RBM34: variants seen among roughly 807,000 people sequenced by gnomAD.
The protein encoded by RBM34 is RNA-binding protein 34.
RBM34 carries 39 observed loss-of-function variants against 44.6 expected under a neutral mutation model. That is an observed-to-expected ratio of 0.87 (90% CI 0.68 to 1.14). The LOEUF (loss-of-function observed/expected upper bound fraction) is 1.14. RBM34 is among the 50% of genes most tolerant of loss of function. RBM34 has a pLI of 0.00. For missense variants in RBM34, 572 were observed against 517.9 expected, an observed-to-expected ratio of 1.10 and a Z score of -1.01; for synonymous variants, 194 against 184.0, an observed-to-expected ratio of 1.05 and a Z score of -0.44.
intron 3 of RBM34, chr1:235,156,571 C>T (rs912114610): frequency 2.3e-6 from 1 of 429,548 alleles, no homozygotes; most frequent in Admixed American, 3.1e-5. Context: ...TCTAATACTT[C>T]TGTAATATTT....
At chr1:235,152,396 C>G (rs2273741) in intron 5 of RBM34, 106 of 836,766 alleles carry the variant, frequency 1.3e-4, no homozygotes, top group South Asian at 5.6e-4. Flanking sequence ...AGGATTCCAG[C>G]AATGATAATC....
Position 235,155,121 on chromosome 1 carries a change from G to A in RBM34, c.366-9C>T, listed in dbSNP as rs1231056236. The A allele has an allele frequency of 1.9e-6, 3 of 1,606,870 alleles. No individual in the cohort carries two copies. The highest frequency in any genetic ancestry group is 2.5e-6 in the Non-Finnish European group (3 of 1,177,640). On this transcript the variant is annotated splice_polypyrimidine_tract_variant and intron_variant, in intron 3 of 10. Transcript: ENST00000408888. ...TCGCTAGAGCGCTTTCCCTTTTTAA[G>A]GCAAAAAATAAAATAAGCAGTAAGA... is the stretch of plus-strand genomic sequence containing the variant.
At chr1:235,158,191 G>A (rs1326170121) in intron 3 of RBM34, among the ~76,000 whole-genome samples, 1 of 152,034 alleles carries the variant, frequency 6.6e-6, no homozygotes, top group Non-Finnish European at 1.5e-5. Flanking sequence ...AAGGCGGGTG[G>A]ATCACCTGAG....
At chr1:235,133,609 A>G (rs1269485314) in intron 10 of RBM34, among the ~76,000 whole-genome samples, 1 of 152,234 alleles carries the variant, frequency 6.6e-6, no homozygotes, top group East Asian at 1.9e-4. Flanking sequence ...AATTTATGAC[A>G]TCACATAGTA....
intron 3 of RBM34, 40 bp downstream of exon 3, chr1:235,160,471 A>AT: frequency 6.4e-7 from 1 of 1,572,612 alleles, no homozygotes; most frequent in Non-Finnish European, 8.7e-7. Context: ...TTAATTTACC[A>AT]TCTAATTTCT....
At chr1:235,161,130 C>A (rs1374407906) in intron 1 of RBM34, 44 bp downstream of exon 1, 3 of 1,602,408 alleles carry the variant, frequency 1.9e-6, no homozygotes, top group Non-Finnish European at 2.6e-6. Flanking sequence ...CACGAGGGAA[C>A]GTACAACATC....
rs1030273790 is a variant in RBM34, at chr1:235,136,316, G to A, written c.850-243C>T. Among the ~76,000 whole-genome samples, 30 of 152,154 alleles carry A rather than the reference G, an allele frequency of 2.0e-4. 1 individual carries two copies. Among genetic ancestry groups the A allele is most frequent in the Admixed American group, 7.9e-4 (12 of 15,268 alleles). The stretch of plus-strand genomic sequence containing the variant: ...CTGACACACGGTAGGGATCAGGAAC[G>A]GACTGCTATATTGGGAGCATGCCAA... On this transcript the variant is annotated intron_variant, in intron 8 of 10. Transcript: ENST00000408888.
At position 235,136,022 on chromosome 1, in the gene RBM34, A is replaced by C. The variant is rs1276622415; in HGVS notation, c.889+12T>G. On this transcript the variant is annotated intron_variant, in intron 9 of 10. Transcript: ENST00000408888. ...TAGTAATATTAACTGTACTTTGTTT[A>C]AACAAACTTACTATAAGGGAGATTC... 7.1e-6 allele frequency: 11 copies of C among 1,558,582 alleles called. No individual in the cohort carries two copies. Among genetic ancestry groups the C allele is most frequent in the Non-Finnish European group, 9.7e-6 (11 of 1,135,596 alleles).
At chr1:235,135,556 T>C (rs1262931531) in intron 10 of RBM34, 96 bp downstream of exon 10, 1 of 1,067,244 alleles carries the variant, frequency 9.4e-7, no homozygotes, top group East Asian at 2.4e-5. Flanking sequence ...AATTTGAGAA[T>C]GGAAGTGAAA....
chr1:235,137,564 G>A (rs1480329449), intron 8 of RBM34, among the ~76,000 whole-genome samples: 1 of 149,984 alleles, frequency 6.7e-6, no homozygotes, highest in Non-Finnish European at 1.5e-5. Flanking sequence ...TTTTGTAAAG[G>A]CAGGGTCTTG....
chr1:235,131,825 G>A lies in RBM34; in HGVS notation c.1181C>T (p.Ala394Val). The change falls in exon 11 of 11, where the codon GCA (alanine) becomes GTA (valine). Residue 394 changes from alanine to valine, a missense_variant. Coordinates refer to ENST00000408888, the MANE Select transcript of RBM34 (RefSeq NM_015014.4). ...KQGLNFTSKT[A>V]EGHPKSLFIG... Reference sequence around the variant, plus strand: ...AAATAAGCTTTTAGGATGTCCTTCTGCAGTTTTGGAAGTAAAATTAAGTCC... The same window carrying A: ...AAATAAGCTTTTAGGATGTCCTTCTACAGTTTTGGAAGTAAAATTAAGTCC... 1 of 1,614,062 alleles carries A rather than the reference G, an allele frequency of 6.2e-7. No individual in the cohort carries two copies.
intron 3 of RBM34, among the ~76,000 whole-genome samples, chr1:235,157,325 T>G (rs1439162064): frequency 6.6e-6 from 1 of 151,950 alleles, no homozygotes; most frequent in Non-Finnish European, 1.5e-5. Flanking sequence ...ATTAAAGAGA[T>G]AATTAAAAAA....
chr1:235,160,945 A>G lies in RBM34; in HGVS notation c.176T>C (p.Leu59Pro). 1 of 1,614,154 alleles carries G rather than the reference A, an allele frequency of 6.2e-7. No homozygotes were observed. Among genetic ancestry groups the G allele is most frequent in the Non-Finnish European group, 8.5e-7 (1 of 1,180,032 alleles). Residue 59 changes from leucine (L) to proline (P), a missense_variant, in exon 2 of 11, where the codon CTC (leucine) becomes CCC (proline). Transcript: ENST00000408888. Reference protein sequence around the residue: ...SRGGTGRLASLFSSLEPQIQP... With the variant: ...SRGGTGRLASPFSSLEPQIQP... ...AATCTGGGGCTCCAGAGAACTGAAG[A>G]GGGACGCCAGCCGACCGGTGCCACC...
At chr1:235,134,971 C>T (rs1271005322) in intron 10 of RBM34, among the ~76,000 whole-genome samples, 3 of 151,444 alleles carry the variant, frequency 2.0e-5, no homozygotes, top group African/African-American at 7.3e-5. Context: ...CTCGAATTCC[C>T]GACTTCAGGT....
chr1:235,139,172 A>G (rs1661569070), intron 6 of RBM34, among the ~76,000 whole-genome samples: 2 of 152,362 alleles, frequency 1.3e-5, no homozygotes, highest in South Asian at 4.1e-4. Context: ...CTAGTAATGA[A>G]CACAGATCTT....
At chr1:235,153,041 C>T (rs1002921171) in intron 4 of RBM34, among the ~76,000 whole-genome samples, 4 of 151,912 alleles carry the variant, frequency 2.6e-5, no homozygotes, top group East Asian at 3.9e-4. Flanking sequence ...AGCTAATTTT[C>T]GTATTTTTAG....
chr1:235,153,123 G>T (rs1662235402), intron 4 of RBM34, among the ~76,000 whole-genome samples: 1 of 152,146 alleles, frequency 6.6e-6, no homozygotes, highest in Non-Finnish European at 1.5e-5. Context: ...AACCACATCA[G>T]CCTCTTCAAG....
intron 3 of RBM34, among the ~76,000 whole-genome samples, chr1:235,155,442 G>C (rs1662357527): frequency 6.7e-6 from 1 of 149,570 alleles, no homozygotes; most frequent in Admixed American, 6.7e-5. Context: ...CCCAGGCTCA[G>C]GCAATCCTCC....
At chr1:235,152,474 T>C (rs1270486895) in intron 5 of RBM34, 6 of 1,242,368 alleles carry the variant, frequency 4.8e-6, no homozygotes, top group East Asian at 3.7e-5. Flanking sequence ...CCAAAGTACA[T>C]TGCAGGCTTT....
Sources: gnomAD v4.1 joint callset for allele counts (sites outside exome capture counted in the v4.1 genomes callset) on GRCh38, gnomAD v4.1.1 for gene constraint, MANE v1.5 for transcripts, NCBI Gene and HGNC (gene_info 2026-07-23, HGNC 2026-07-21) for gene names.